OTUD7A: variants seen among roughly 807,000 people sequenced by gnomAD.
OTUD7A encodes the protein OTU domain-containing protein 7A.
OTUD7A carries 12 observed loss-of-function variants against 65.7 expected under a neutral mutation model. The ratio of observed to expected loss-of-function variants is 0.18; its 90% CI spans 0.12 to 0.30. The LOEUF (loss-of-function observed/expected upper bound fraction) is 0.30. Among genes scored for constraint, OTUD7A ranks in the 10% least tolerant of loss-of-function variants. The pLI, the probability that OTUD7A is intolerant of heterozygous loss-of-function variation, is 1.00. For synonymous variants in OTUD7A, 641 were observed against 586.3 expected (o/e 1.09, Z -1.35); for missense variants, 1,148 against 1,304.8 (o/e 0.88, Z 1.85).
At chr15:31,668,110 G>C (rs1430534922) in intron 1 of OTUD7A, among the ~76,000 whole-genome samples, 4 of 152,276 alleles carry the variant, frequency 2.6e-5, no homozygotes, top group Non-Finnish European at 5.9e-5. Context: ...ATAATCTGAT[G>C]ACAATGTGCC....
chr15:31,570,079 C>T lies in OTUD7A; in HGVS notation c.270G>A (p.Glu90=). 2 of 1,614,228 alleles carry T rather than the reference C, an allele frequency of 1.2e-6. No individual in the cohort carries two copies. The highest frequency in any genetic ancestry group is 1.7e-6 in the Non-Finnish European group (2 of 1,180,040). Residue 90 remains glutamate, a synonymous_variant, in exon 4 of 13, where the codon GAG becomes GAA. Transcript: ENST00000307050. ...EGRGPKQPER[E]PQPGHKVERP... The stretch of plus-strand genomic sequence containing the variant: ...GCTCCACCTTGTGCCCGGGCTGTGG[C>T]TCTCGCTCTGGCTGCTTGGGACCCC...
chr15:31,649,846 A>C, intron 3 of OTUD7A: 1 of 373,668 alleles, frequency 2.7e-6, no homozygotes, highest in Non-Finnish European at 5.8e-6. Flanking sequence ...CAGAAAGGAG[A>C]CCACAGTTGG....
rs373826041 is a variant in OTUD7A at position 31,584,257 on chromosome 15, A to G, written c.152-14060T>C. ...TGATCCAAAGAGCCAGACCTTTCTG[A>G]CACTGCACACTGATGAATTACACAA... On this transcript the variant is annotated intron_variant, in intron 3 of 12. Coordinates refer to ENST00000307050, the MANE Select transcript of OTUD7A (RefSeq NM_001382637.1). Among the ~76,000 whole-genome samples the G allele has an allele frequency of 1.5e-3, 223 of 152,326 alleles. 1 individual carries two copies. The highest frequency in any genetic ancestry group is 5.1e-3 in the African/African-American group (210 of 41,574).
intron 10 of OTUD7A, among the ~76,000 whole-genome samples, chr15:31,499,832 C>T (rs551059867): frequency 3.9e-4 from 59 of 152,312 alleles, no homozygotes; most frequent in Middle Eastern, 6.8e-3. Context: ...GGGACCAGAT[C>T]CCAGTTTTTA....
At chr15:31,746,911 G>GA (rs1252219461) in intron 1 of OTUD7A, among the ~76,000 whole-genome samples, 1 of 152,208 alleles carries the variant, frequency 6.6e-6, no homozygotes, top group Non-Finnish European at 1.5e-5. Context: ...TGGGGTGAGA[G>GA]AAAATTTCTG....
chr15:31,767,656 G>A (rs760630447), intron 1 of OTUD7A: 39 of 756,048 alleles, frequency 5.2e-5, no homozygotes, highest in Non-Finnish European at 7.2e-5. Context: ...CTTCTTCAAC[G>A]TCTTCCTGGC....
At chr15:31,869,017 T>A (rs1567063799) in intron 1 of OTUD7A, among the ~76,000 whole-genome samples, 1 of 152,228 alleles carries the variant, frequency 6.6e-6, no homozygotes, top group Non-Finnish European at 1.5e-5. Context: ...AATTATTAAA[T>A]ACAAAAATGT....
chr15:31,711,098 T>C (rs1239689042), intron 1 of OTUD7A, among the ~76,000 whole-genome samples: 2 of 149,998 alleles, frequency 1.3e-5, no homozygotes, highest in African/African-American at 4.9e-5. Flanking sequence ...CTTTCTATGG[T>C]GAATAGCAAA....
chr15:31,672,236 C>T (rs1312272234), intron 1 of OTUD7A, among the ~76,000 whole-genome samples: 1 of 152,182 alleles, frequency 6.6e-6, no homozygotes, highest in East Asian at 1.9e-4. Flanking sequence ...ACAAATCAAT[C>T]TTCCTGGTCC....
chr15:31,723,202 T>C (rs934058537), intron 1 of OTUD7A, among the ~76,000 whole-genome samples: 15 of 152,110 alleles, frequency 9.9e-5, no homozygotes, highest in Non-Finnish European at 2.1e-4. Context: ...TGGCAAGGGA[T>C]TGAAACTGCT....
At chr15:31,504,671 G>A (rs2041531670) in intron 8 of OTUD7A, among the ~76,000 whole-genome samples, 9 of 106,234 alleles carry the variant, frequency 8.5e-5, no homozygotes. Context: ...CTGAGTGTTT[G>A]AGGAATGCTC....
At chr15:31,840,716 T>A (rs896415146) in intron 1 of OTUD7A, among the ~76,000 whole-genome samples, 66 of 152,226 alleles carry the variant, frequency 4.3e-4, no homozygotes, top group African/African-American at 1.5e-3. Flanking sequence ...AATATTAAAA[T>A]GGACAATAAT....
chr15:31,746,505 A>ATT (rs1491502769), intron 1 of OTUD7A, among the ~76,000 whole-genome samples: 11 of 70,886 alleles, frequency 1.6e-4, no homozygotes, highest in South Asian at 1.8e-3. Context: ...TAGTTTTTAC[A>ATT]TATTTTTTTT....
intron 1 of OTUD7A, among the ~76,000 whole-genome samples, chr15:31,737,669 T>A (rs1301723563): frequency 6.6e-6 from 1 of 152,252 alleles, no homozygotes; most frequent in Admixed American, 6.5e-5. Flanking sequence ...TTAGAAAGTG[T>A]TCAATGATAT....
At chr15:31,495,312 G>C (rs2041367599) in intron 10 of OTUD7A, among the ~76,000 whole-genome samples, 1 of 152,192 alleles carries the variant, frequency 6.6e-6, no homozygotes, top group East Asian at 1.9e-4. Flanking sequence ...CACACCTCGT[G>C]CTTTTAATCA....
At chr15:31,765,797 G>C (rs1895080306) in intron 1 of OTUD7A, 1 of 1,375,100 alleles carries the variant, frequency 7.3e-7, no homozygotes, top group Non-Finnish European at 1.0e-6. Flanking sequence ...TTGGTTGCTT[G>C]ATTGTAGGTT....
chr15:31,559,897 C>G (rs186882804), intron 4 of OTUD7A, among the ~76,000 whole-genome samples: 20 of 152,254 alleles, frequency 1.3e-4, no homozygotes, highest in African/African-American at 4.6e-4. Context: ...ATCCTACAAG[C>G]CTTTTCTATC....
intron 1 of OTUD7A, among the ~76,000 whole-genome samples, chr15:31,711,865 G>A (rs1282499782): frequency 5.3e-5 from 8 of 151,948 alleles, no homozygotes; most frequent in Non-Finnish European, 1.2e-4. Context: ...GTGGCTGGAA[G>A]GCCATGGCCA....
chr15:31,799,877 G>A (rs1896072464), intron 1 of OTUD7A, among the ~76,000 whole-genome samples: 1 of 152,096 alleles, frequency 6.6e-6, no homozygotes, highest in Non-Finnish European at 1.5e-5. Flanking sequence ...GGGACAGAAG[G>A]CTGAAGATAC....
Sources: gnomAD v4.1 joint callset for allele counts (sites outside exome capture counted in the v4.1 genomes callset) on GRCh38, gnomAD v4.1.1 for gene constraint, MANE v1.5 for transcripts, NCBI Gene and HGNC (gene_info 2026-07-23, HGNC 2026-07-21) for gene names.